PIP5K1B: variants seen among roughly 807,000 people sequenced by gnomAD.
PIP5K1B encodes phosphatidylinositol-4-phosphate 5-kinase type 1 beta, also known as phosphatidylinositol 4-phosphate 5-kinase type-1 beta.
Under a neutral mutation model 67.0 loss-of-function variants are expected in PIP5K1B, and 42 were observed. The ratio of observed to expected loss-of-function variants is 0.63; its 90% CI spans 0.49 to 0.81. The LOEUF (loss-of-function observed/expected upper bound fraction) is 0.81, where lower values mean the gene tolerates loss of function less well. Among genes scored for constraint, PIP5K1B ranks in the 30% least tolerant of loss-of-function variants. The pLI is 0.00. For synonymous variants in PIP5K1B, 214 were observed against 231.4 expected, an observed-to-expected ratio of 0.92 and a Z score of 0.68; for missense variants, 459 against 646.3, an observed-to-expected ratio of 0.71 and a Z score of 3.14.
intron 11 of PIP5K1B, among the ~76,000 whole-genome samples, chr9:68,920,058 C>A (rs1826287104): frequency 6.6e-6 from 1 of 152,164 alleles, no homozygotes; most frequent in African/African-American, 2.4e-5. Context: ...AGTTCTCACA[C>A]AACCAAGCTA....
chr9:68,802,268 G>A (rs1832639308), intron 2 of PIP5K1B, among the ~76,000 whole-genome samples: 1 of 152,218 alleles, frequency 6.6e-6, no homozygotes, highest in South Asian at 2.1e-4. Context: ...AAAGGAGGAA[G>A]AAAACATTTA....
intron 2 of PIP5K1B, among the ~76,000 whole-genome samples, chr9:68,794,150 AGTTGGAGCCTGACTT>A (rs1240072306): frequency 6.6e-6 from 1 of 152,192 alleles, no homozygotes; most frequent in African/African-American, 2.4e-5. Flanking sequence ...GGAGTGGTGC[AGTTGGAGCCTGACTT>A]GAGTGGAGTT....
chr9:68,879,485 T>G (rs1442892006), intron 6 of PIP5K1B, among the ~76,000 whole-genome samples: 2 of 152,168 alleles, frequency 1.3e-5, no homozygotes, highest in African/African-American at 2.4e-5. Context: ...GGAGAATCAC[T>G]TGAACCTGGA....
chr9:68,809,053 A>T (rs1015566119), intron 2 of PIP5K1B, among the ~76,000 whole-genome samples: 21 of 152,380 alleles, frequency 1.4e-4, no homozygotes, highest in Admixed American at 6.5e-4. Context: ...TTGTACAAAT[A>T]TTTAACATAC....
intron 1 of PIP5K1B, among the ~76,000 whole-genome samples, chr9:68,730,115 G>T (rs549168121): frequency 1.3e-5 from 2 of 152,150 alleles, no homozygotes; most frequent in Non-Finnish European, 2.9e-5. Context: ...GAGACATAAT[G>T]TTGTGAAAGA....
At chr9:68,901,406 G>T (rs1261778010) in intron 8 of PIP5K1B, among the ~76,000 whole-genome samples, 1 of 152,110 alleles carries the variant, frequency 6.6e-6, no homozygotes, top group Non-Finnish European at 1.5e-5. Flanking sequence ...CTACCGGTGT[G>T]GACCACCACA....
At chr9:68,893,164 G>C (rs965979785) in intron 7 of PIP5K1B, among the ~76,000 whole-genome samples, 12 of 152,054 alleles carry the variant, frequency 7.9e-5, no homozygotes, top group Non-Finnish European at 1.6e-4. Context: ...GAATATTTCT[G>C]GAATGAAATA....
At chr9:68,960,864 A>G (rs1002561117) in intron 14 of PIP5K1B, among the ~76,000 whole-genome samples, 8 of 152,182 alleles carry the variant, frequency 5.3e-5, no homozygotes, top group Admixed American at 1.3e-4. Flanking sequence ...CTCTTTTACA[A>G]TAGTAGCTTC....
chr9:68,994,979 T>A (rs1409674533), intron 15 of PIP5K1B, among the ~76,000 whole-genome samples: 2 of 145,826 alleles, frequency 1.4e-5, no homozygotes, highest in Non-Finnish European at 1.5e-5. Flanking sequence ...CTACAAAAAT[T>A]AAAAAAAAAA....
intron 5 of PIP5K1B, among the ~76,000 whole-genome samples, chr9:68,869,076 A>G (rs572461570): frequency 3.2e-4 from 49 of 152,246 alleles, no homozygotes; most frequent in Non-Finnish European, 6.5e-4. Context: ...AAACTAGCCA[A>G]CTGCCTGCAT....
intron 2 of PIP5K1B, among the ~76,000 whole-genome samples, chr9:68,796,870 T>C (rs2132518970): frequency 6.6e-6 from 1 of 152,328 alleles, no homozygotes; most frequent in East Asian, 1.9e-4. Flanking sequence ...TTATCAAATA[T>C]TCCCTCCAGT....
At chr9:68,903,362 A>G (rs1825456973) in intron 8 of PIP5K1B, among the ~76,000 whole-genome samples, 1 of 152,244 alleles carries the variant, frequency 6.6e-6, no homozygotes, top group Non-Finnish European at 1.5e-5. Flanking sequence ...AACCAAGGTA[A>G]ATCATGTCAA....
chr9:68,797,202 A>G (rs1832340784), intron 2 of PIP5K1B, among the ~76,000 whole-genome samples: 1 of 152,174 alleles, frequency 6.6e-6, no homozygotes, highest in African/African-American at 2.4e-5. Context: ...AATGTCTACG[A>G]TGCTTTGTTG....
At chr9:68,883,254 C>T (rs997418088) in intron 6 of PIP5K1B, among the ~76,000 whole-genome samples, 2 of 152,108 alleles carry the variant, frequency 1.3e-5, no homozygotes, top group African/African-American at 4.8e-5. Flanking sequence ...ACTTTGTCTG[C>T]ACACATGGCT....
chr9:69,000,894 C>CTTTTTTTTTTTT, intron 15 of PIP5K1B, among the ~76,000 whole-genome samples: 1 of 144,538 alleles, frequency 6.9e-6, no homozygotes, highest in Non-Finnish European at 1.5e-5. Flanking sequence ...GGGAGCACAA[C>CTTTTTTTTTTTT]TTTTTTTTTT....
chr9:68,734,144 T>C (rs906111987), intron 1 of PIP5K1B, among the ~76,000 whole-genome samples: 4 of 152,212 alleles, frequency 2.6e-5, no homozygotes, highest in African/African-American at 9.6e-5. Context: ...ATTGACTTAT[T>C]GTTAAAAACT....
chr9:68,780,978 G>A (rs1157208815), intron 2 of PIP5K1B: 1 of 1,614,054 alleles, frequency 6.2e-7, no homozygotes, highest in Non-Finnish European at 8.5e-7. Context: ...TGTGTCACCT[G>A]CCCAAGCGGC....
intron 12 of PIP5K1B, among the ~76,000 whole-genome samples, chr9:68,928,187 T>C (rs991431708): frequency 6.6e-6 from 1 of 152,228 alleles, no homozygotes; most frequent in East Asian, 1.9e-4. Context: ...AGTACCATAC[T>C]ATCCTCATTA....
At chr9:68,985,712 T>C (rs1368159709) in intron 14 of PIP5K1B, among the ~76,000 whole-genome samples, 1 of 152,208 alleles carries the variant, frequency 6.6e-6, no homozygotes, top group African/African-American at 2.4e-5. Flanking sequence ...TCCCCAGGCC[T>C]CCACGGGCCT....
Sources: gnomAD v4.1 joint callset for allele counts (sites outside exome capture counted in the v4.1 genomes callset) on GRCh38, gnomAD v4.1.1 for gene constraint, MANE v1.5 for transcripts, NCBI Gene and HGNC (gene_info 2026-07-23, HGNC 2026-07-21) for gene names.